MGAT4C: variants seen among roughly 807,000 people sequenced by gnomAD.
The protein encoded by MGAT4C is alpha-1,3-mannosyl-glycoprotein 4-beta-N-acetylglucosaminyltransferase C.
In MGAT4C, 19 loss-of-function variants were observed where a neutral mutation model predicts 40.1. The ratio of observed to expected loss-of-function variants is 0.47; its 90% CI spans 0.33 to 0.70. MGAT4C has a LOEUF of 0.70. Among genes scored for constraint, MGAT4C ranks in the 30% least tolerant of loss-of-function variants. MGAT4C has a pLI of 0.02. For synonymous variants in MGAT4C, 181 were observed against 187.1 expected, an observed-to-expected ratio of 0.97 and a Z score of 0.27; for missense variants, 491 against 563.2, an observed-to-expected ratio of 0.87 and a Z score of 1.30.
chr12:86,460,813 T>C (rs921735940), intron 2 of MGAT4C, among the ~76,000 whole-genome samples: 1 of 152,152 alleles, frequency 6.6e-6, no homozygotes, highest in Non-Finnish European at 1.5e-5. Flanking sequence ...TTAAATTTAT[T>C]TTCCATGCCA....
chr12:86,602,794 C>G lies in MGAT4C; in HGVS notation c.-229+124415G>C, dbSNP rs12316403. 7.5e-3 allele frequency among the ~76,000 whole-genome samples: 1,145 copies of G among 152,048 alleles called. 17 individuals carry two copies. The highest frequency in any genetic ancestry group is 0.026 in the African/African-American group (1,096 of 41,480). Reference sequence around the variant, plus strand: ...TTACTGAATGAAGGATCCTTAAAAACTTAAAAGTAGAATTACCATACGATG... The same window carrying G: ...TTACTGAATGAAGGATCCTTAAAAAGTTAAAAGTAGAATTACCATACGATG... On this transcript the variant is annotated intron_variant, in intron 2 of 7. Transcript: ENST00000548651.
intron 1 of MGAT4C, among the ~76,000 whole-genome samples, chr12:86,101,747 C>G (rs553426604): frequency 1.3e-5 from 2 of 151,736 alleles, no homozygotes; most frequent in East Asian, 1.9e-4. Context: ...ATGATTTAGT[C>G]TAAATACTCA....
chr12:86,486,181 A>T (rs1958015685), intron 2 of MGAT4C, among the ~76,000 whole-genome samples: 1 of 152,134 alleles, frequency 6.6e-6, no homozygotes. Context: ...GCCAAACAAC[A>T]TGATGACAGG....
intron 3 of MGAT4C, among the ~76,000 whole-genome samples, chr12:86,384,963 C>T (rs1956023714): frequency 6.6e-6 from 1 of 152,212 alleles, no homozygotes; most frequent in African/African-American, 2.4e-5. Flanking sequence ...TTCTGACCTA[C>T]TTAATTTCTC....
chr12:86,811,993 C>A (rs1338127855), intron 1 of MGAT4C, among the ~76,000 whole-genome samples: 1 of 152,254 alleles, frequency 6.6e-6, no homozygotes, highest in African/African-American at 2.4e-5. Flanking sequence ...GCATCTCTTG[C>A]ATTTTTGTAT....
intron 3 of MGAT4C, among the ~76,000 whole-genome samples, chr12:86,357,914 T>C (rs1035051189): frequency 6.6e-6 from 1 of 152,160 alleles, no homozygotes; most frequent in African/African-American, 2.4e-5. Flanking sequence ...TTCAGGATAT[T>C]ATCCAGGAGA....
At chr12:86,738,810 A>G (rs1305098446) in intron 1 of MGAT4C, among the ~76,000 whole-genome samples, 6 of 151,086 alleles carry the variant, frequency 4.0e-5, no homozygotes, top group African/African-American at 1.2e-4. Context: ...TGAATTTCCA[A>G]CCTTGCCACA....
chr12:86,826,283 T>C (rs531061590), intron 1 of MGAT4C, among the ~76,000 whole-genome samples: 2 of 151,548 alleles, frequency 1.3e-5, no homozygotes, highest in East Asian at 3.9e-4. Flanking sequence ...GTTTTCATGA[T>C]GCTACTCCAG....
At chr12:86,561,696 C>T (rs1959870280) in intron 2 of MGAT4C, among the ~76,000 whole-genome samples, 1 of 152,148 alleles carries the variant, frequency 6.6e-6, no homozygotes, top group African/African-American at 2.4e-5. Context: ...TGTGGGACTT[C>T]ACCTTGTGAT....
Position 85,956,410 on chromosome 12 carries a change from T to C in MGAT4C, c.*22879A>G, listed in dbSNP as rs1882796641. On this transcript the variant is annotated 3_prime_UTR_variant, in exon 5 of 5. Coordinates refer to ENST00000611864, the MANE Select transcript of MGAT4C (RefSeq NM_001351288.2). Reference sequence around the variant, plus strand: ...ATAACTTCGGTGTTTTGTTTGTCCTTAGACAATAGAGATAATATATTCATT... The same window carrying C: ...ATAACTTCGGTGTTTTGTTTGTCCTCAGACAATAGAGATAATATATTCATT... 1 of 152,184 alleles carries C rather than the reference T, an allele frequency of 6.6e-6. No individual in the cohort carries two copies. The highest frequency in any genetic ancestry group is 1.5e-5 in the Non-Finnish European group (1 of 68,010). 9.4% of individuals were successfully genotyped at this position (152,184 alleles called of 1,614,324 possible).
At chr12:86,618,798 A>C (rs1408650513) in intron 2 of MGAT4C, among the ~76,000 whole-genome samples, 1 of 152,272 alleles carries the variant, frequency 6.6e-6, no homozygotes, top group Non-Finnish European at 1.5e-5. Context: ...TATATTGTAT[A>C]TTTGAAGACA....
chr12:86,549,507 G>A (rs1280486627), intron 2 of MGAT4C, among the ~76,000 whole-genome samples: 1 of 152,118 alleles, frequency 6.6e-6, no homozygotes, highest in Non-Finnish European at 1.5e-5. Context: ...TTACAGACTA[G>A]GCTTTTCTCA....
intron 3 of MGAT4C, among the ~76,000 whole-genome samples, chr12:86,345,461 T>C (rs1955009326): frequency 6.6e-6 from 1 of 151,844 alleles, no homozygotes; most frequent in Non-Finnish European, 1.5e-5. Flanking sequence ...ATGTGTGATG[T>C]TCCCCTTCCT....
intron 2 of MGAT4C, among the ~76,000 whole-genome samples, chr12:86,615,108 G>A (rs1962408352): frequency 6.6e-6 from 1 of 151,674 alleles, no homozygotes; most frequent in Admixed American, 6.6e-5. Context: ...ATTGAGGATA[G>A]ATCCATTATT....
chr12:86,734,703 T>A (rs1487002778), intron 1 of MGAT4C, among the ~76,000 whole-genome samples: 1 of 151,994 alleles, frequency 6.6e-6, no homozygotes, highest in Non-Finnish European at 1.5e-5. Flanking sequence ...GCAAACCAGA[T>A]CTGTCAGAGC....
intron 1 of MGAT4C, among the ~76,000 whole-genome samples, chr12:86,783,412 A>G (rs1951877265): frequency 6.6e-6 from 1 of 151,942 alleles, no homozygotes; most frequent in South Asian, 2.1e-4. Context: ...GAAGAAGATC[A>G]GAACAGGAGG....
At chr12:86,672,507 T>A (rs1294559894) in intron 2 of MGAT4C, among the ~76,000 whole-genome samples, 1 of 151,648 alleles carries the variant, frequency 6.6e-6, no homozygotes, top group African/African-American at 2.4e-5. Context: ...TTTGAAAAGA[T>A]AAACGAAATT....
At chr12:86,831,099 G>A (rs536314789) in intron 1 of MGAT4C, among the ~76,000 whole-genome samples, 1 of 151,512 alleles carries the variant, frequency 6.6e-6, no homozygotes, top group East Asian at 2.0e-4. Flanking sequence ...GACCCCCATT[G>A]GAAACCCATG....
At chr12:86,259,766 A>T, upstream of MGAT4C, among the ~76,000 whole-genome samples, 1 of 149,384 alleles carries the variant, frequency 6.7e-6, no homozygotes, top group Non-Finnish European at 1.5e-5. Flanking sequence ...TTTAAGCTTC[A>T]TTCTCAGTAA....
Sources: allele counts gnomAD v4.1 joint callset (sites outside exome capture counted in the v4.1 genomes callset), GRCh38; gene constraint gnomAD v4.1.1; transcripts MANE v1.5; gene names NCBI Gene and HGNC (gene_info 2026-07-23, HGNC 2026-07-21).